LMNB2: variants seen among roughly 807,000 people sequenced by gnomAD.
LMNB2 encodes lamin-B2.
In LMNB2, 17 loss-of-function variants were observed where a neutral mutation model predicts 69.3. That is an observed-to-expected ratio of 0.25 (90% CI 0.17 to 0.37). The LOEUF (loss-of-function observed/expected upper bound fraction) is 0.37. Among genes scored for constraint, LMNB2 ranks in the 10% least tolerant of loss-of-function variants. The pLI is 1.00. For missense variants in LMNB2, 789 were observed against 883.6 expected (o/e 0.89, Z 1.36); for synonymous variants, 397 against 389.3 (o/e 1.02, Z -0.23).
At chr19:2,444,106 C>T (rs1456152182) in intron 2 of LMNB2, among the ~76,000 whole-genome samples, 3 of 152,214 alleles carry the variant, frequency 2.0e-5, no homozygotes, top group Non-Finnish European at 4.4e-5. Flanking sequence ...CGCGTGTGCA[C>T]ACTAAGGAGA....
rs1467107025 is a variant in LMNB2 at position 2,435,139 on chromosome 19, C to T, written c.717G>A (p.Arg239=). ...EVRETRRRHE[R]RLVEVDSSRQ... is the part of the protein sequence containing the mutation. ...GGCTGCTGTCCACCTCCACCAGGCG[C>T]CGCTCGTGCCGCCGCCGCGTCTCCC... Residue 239 remains arginine (R), a synonymous_variant, in exon 5 of 12, where the codon CGG becomes CGA. Coordinates refer to ENST00000325327, the MANE Select transcript of LMNB2 (RefSeq NM_032737.4). 4 of 1,605,224 alleles carry T rather than the reference C, an allele frequency of 2.5e-6. No individual in the cohort carries two copies. In the Admixed American group the frequency reaches 6.7e-5, roughly 27 times the overall value.
chr19:2,434,230 C>T (rs1027310123), intron 7 of LMNB2, 65 bp downstream of exon 7: 55 of 1,581,164 alleles, frequency 3.5e-5, no homozygotes, highest in East Asian at 2.1e-4. Flanking sequence ...AGCCCCGTCC[C>T]GCCTCTCCTC....
rs12462450 is a variant in LMNB2, at chr19:2,434,247, T to C, written c.1202+48A>G. 500,066 of 1,590,262 alleles carry C rather than the reference T, an allele frequency of 0.31. 81,342 individuals are homozygous for C. Among genetic ancestry groups the C allele is most frequent in the African/African-American group, 0.54 (40,268 of 74,026 alleles). On this transcript the variant is annotated intron_variant, in intron 7 of 11. Coordinates refer to ENST00000325327, the MANE Select transcript of LMNB2 (RefSeq NM_032737.4). ...CCCCGTCCCGCCTCTCCTCCTGCCC[T>C]GCCCCTCCTCCTCACTCTGTGCTCC...
At chr19:2,446,723 G>C (rs1225970409) in intron 1 of LMNB2, among the ~76,000 whole-genome samples, 1 of 152,346 alleles carries the variant, frequency 6.6e-6, no homozygotes, top group South Asian at 2.1e-4. Context: ...CCTGAGCTGA[G>C]ACAGCTCTAC....
At position 2,456,844 on chromosome 19, in the gene LMNB2, G is replaced by T. The variant is rs772621239; in HGVS notation, c.90C>A (p.Gly30=). ...TMATPLPGRA[G]GPATPLSPTR... is the part of the protein sequence containing the mutation. ...TGGGCGACAGCGGCGTGGCGGGCCC[G>T]CCCGCGCGGCCGGGCAGCGGCGTGG... The change falls in exon 1 of 12, where the codon GGC becomes GGA. Residue 30 remains glycine (G), a synonymous_variant. Coordinates refer to ENST00000325327, the MANE Select transcript of LMNB2 (RefSeq NM_032737.4). 2 of 1,308,370 alleles carry T rather than the reference G, an allele frequency of 1.5e-6. No homozygotes were observed. Among genetic ancestry groups the T allele is most frequent in the Non-Finnish European group, 9.8e-7 (1 of 1,020,676 alleles). 81.0% of individuals were successfully genotyped at this position (1,308,370 alleles called of 1,614,324 possible).
Position 2,456,648 on chromosome 19 carries a change from G to A in LMNB2, c.264+22C>T, listed in dbSNP as rs746967674. On this transcript the variant is annotated intron_variant, in intron 1 of 11. Transcript: ENST00000325327. ...GGCCTGCCGGCTGCACCCCCGCCCGGCCCCTAAGCCCCGGCGCCCACCTCG... is the reference window on the plus strand; with the variant it reads ...GGCCTGCCGGCTGCACCCCCGCCCGACCCCTAAGCCCCGGCGCCCACCTCG... 1.3e-5 allele frequency: 19 copies of A among 1,478,560 alleles called. No homozygotes were observed. The East Asian group carries it at 5.7e-4, about 44-fold the overall frequency. 91.6% of individuals were successfully genotyped at this position (1,478,560 alleles called of 1,614,324 possible). A position where few individuals can be genotyped will look rare whatever the true frequency, so the allele number is the denominator to read the frequency against.
rs933753487 is a variant in LMNB2, at chr19:2,456,920, C to T, written c.14G>A (p.Ser5Asn). ...GCGCTGCTCCCGACGGCGGCCCGGG[C>T]TCGGCGGGCTCATTCAATCCGCGCC... MSPP[S>N]PGRRREQRRP... Residue 5 changes from serine (S) to asparagine (N), a missense_variant, in exon 1 of 12, where the codon AGC becomes AAC. Around this residue, in one of 3 missense-constraint regions of LMNB2, gnomAD observed 35 missense variants for 23.9 expected, o/e 1.47. Transcript: ENST00000325327. The T allele has an allele frequency of 8.0e-6, 8 of 994,628 alleles. No homozygotes were observed. Among genetic ancestry groups the T allele is most frequent in the Non-Finnish European group, 9.5e-6 (8 of 837,896 alleles). 61.6% of individuals were successfully genotyped at this position (994,628 alleles called of 1,614,324 possible). A position where few individuals can be genotyped will look rare whatever the true frequency, so the allele number is the denominator to read the frequency against.
At chr19:2,438,652 T>G (rs1971857511) in intron 2 of LMNB2, 121 bp from the exon 3 acceptor site, 4 of 1,243,306 alleles carry the variant, frequency 3.2e-6, no homozygotes, top group Non-Finnish European at 4.5e-6. Context: ...GCCCCAGACC[T>G]TCCCGTCCTG....
intron 6 of LMNB2, 52 bp from the exon 7 acceptor site, chr19:2,434,567 C>T: frequency 6.3e-7 from 1 of 1,583,226 alleles, no homozygotes; most frequent in Non-Finnish European, 8.6e-7. Context: ...GTCACAAGGC[C>T]CAGGTGATCC....
rs1971828416 is a variant in LMNB2 at position 2,436,679 on chromosome 19, A to ACCCACCTCCACGGCCG, written c.684+1483_684+1484insCGGCCGTGGAGGTGGG. ...CGGCCGCCCTCTCGCCTCCACGGCCACCCTCCCGCCACCACGGCCGCGCAC... is the reference window on the plus strand; with the variant it reads ...CGGCCGCCCTCTCGCCTCCACGGCCACCCACCTCCACGGCCGCCCTCCCGCCACCACGGCCGCGCAC... On this transcript the variant is annotated intron_variant, in intron 4 of 11. Transcript: ENST00000325327. 7 of 86,804 alleles carry ACCCACCTCCACGGCCG rather than the reference A, an allele frequency of 8.1e-5. No individual in the cohort carries two copies. The East Asian group carries it at 2.5e-3, about 30-fold the overall frequency. 5.4% of individuals were successfully genotyped at this position (86,804 alleles called of 1,614,324 possible). A position where few individuals can be genotyped will look rare whatever the true frequency, so the allele number is the denominator to read the frequency against.
rs1428343609 is a variant in LMNB2, at chr19:2,447,941, A to G, written c.265-3401T>C. On this transcript the variant is annotated intron_variant, in intron 1 of 11. Coordinates refer to ENST00000325327, the MANE Select transcript of LMNB2 (RefSeq NM_032737.4). The surrounding 1 kb of genome is among the most constrained non-coding windows in gnomAD (Gnocchi z 4.4). The stretch of plus-strand genomic sequence containing the variant: ...CAGTGGGGCGGGATAAGGGTTCCCA[A>G]CCTGATTTTATGTATGGGAAAACTG... Among the ~76,000 whole-genome samples the G allele has an allele frequency of 6.6e-6, 1 of 152,198 alleles. No homozygotes were observed. The highest frequency in any genetic ancestry group is 1.9e-4 in the East Asian group (1 of 5,196).
Position 2,456,726 on chromosome 19 carries a change from C to A in LMNB2, c.208G>T (p.Glu70Ter). 6.4e-7 allele frequency: 1 copy of A among 1,565,786 alleles called. No homozygotes were observed. The change falls in exon 1 of 12, where the codon GAG becomes TAG. Residue 70 changes from glutamate to a stop codon, truncating the protein, a stop_gained. Transcript: ENST00000325327. LOFTEE classifies it high-confidence loss of function. Reference sequence around the variant, plus strand: ...ATCTTGAGCAGGAGCCGGTCGTTCTCCAGCTCCAGCGCGCGGACGCGGTCG... The same window carrying A: ...ATCTTGAGCAGGAGCCGGTCGTTCTACAGCTCCAGCGCGCGGACGCGGTCG... ...YIDRVRALEL[E>*]NDRLLLKISE...
intron 2 of LMNB2, 47 bp downstream of exon 2, chr19:2,444,357 G>A (rs146226157): frequency 3.3e-5 from 53 of 1,611,570 alleles, no homozygotes; most frequent in Non-Finnish European, 4.1e-5. Context: ...CGTCCACCCC[G>A]TGGTGCCAGG....
chr19:2,439,828 G>A (rs1451140130), intron 2 of LMNB2, among the ~76,000 whole-genome samples: 2 of 151,858 alleles, frequency 1.3e-5, no homozygotes. Context: ...CCGCCTCCCG[G>A]GTTCAAACAA....
Position 2,432,409 on chromosome 19 carries a change from C to A in LMNB2, c.1590+7G>T. The A allele has an allele frequency of 6.2e-7, 1 of 1,610,956 alleles. No individual in the cohort carries two copies. The highest frequency in any genetic ancestry group is 1.1e-5 in the South Asian group (1 of 91,056). ...GGCCACCCTCGCCCTCCTGCCCCAC[C>A]ACCTACCGTGACCATCTGGCCGGCG... On this transcript the variant is annotated splice_region_variant and intron_variant, in intron 9 of 11. Coordinates refer to ENST00000325327, the MANE Select transcript of LMNB2 (RefSeq NM_032737.4).
At chr19:2,455,464 G>T (rs1295982282) in intron 1 of LMNB2, among the ~76,000 whole-genome samples, 1 of 152,098 alleles carries the variant, frequency 6.6e-6, no homozygotes. Context: ...GGCATATGGG[G>T]GGCTGCAGCC....
chr19:2,456,503 C>A (rs1599344762), intron 1 of LMNB2, among the ~76,000 whole-genome samples, 167 bp downstream of exon 1: 1 of 150,312 alleles, frequency 6.7e-6, no homozygotes, highest in East Asian at 2.0e-4. Flanking sequence ...GGGACCTGGC[C>A]GAGCTGCACC....
In LMNB2 at chr19:2,430,431, C is replaced by T. The variant is rs1419149274; in HGVS notation, c.*480G>A. On this transcript the variant is annotated 3_prime_UTR_variant, in exon 12 of 12. Coordinates refer to ENST00000325327, the MANE Select transcript of LMNB2 (RefSeq NM_032737.4). ...CCTGAGGAGTTCCCGCTGTCCGAAG[C>T]TGGGCAGCCAGAATGCAGGCTTGGC... The T allele has an allele frequency of 4.1e-6, 1 of 246,696 alleles. No individual in the cohort carries two copies. The highest frequency in any genetic ancestry group is 5.1e-5 in the Admixed American group (1 of 19,634). The allele number at this position is 246,696 out of a possible 1,614,324, so 15.3% of individuals were successfully genotyped here.
At position 2,434,376 on chromosome 19, in the gene LMNB2, T is replaced by C. The variant is rs934600870; in HGVS notation, c.1121A>G (p.Tyr374Cys). ...CAGCTTCACGTCCAGCAGCTCCTGGTACTCGGCCAGCTGCTGCTGCATCAC... is the reference window on the plus strand; with the variant it reads ...CAGCTTCACGTCCAGCAGCTCCTGGCACTCGGCCAGCTGCTGCTGCATCAC... ...RDVMQQQLAE[Y>C]QELLDVKLAL... Residue 374 changes from tyrosine to cysteine, a missense_variant, in exon 7 of 12, where the codon TAC becomes TGC. Physicochemically the swap from Tyr to Cys is radical, Grantham distance 194. This residue lies in a region of LMNB2 where 609 missense variants were observed against 630.9 expected (regional missense o/e 0.97). Coordinates refer to ENST00000325327, the MANE Select transcript of LMNB2 (RefSeq NM_032737.4). 7.4e-6 allele frequency: 12 copies of C among 1,613,290 alleles called. No individual in the cohort carries two copies. The highest frequency in any genetic ancestry group is 1.0e-5 in the Non-Finnish European group (12 of 1,179,994).
Sources: gnomAD v4.1 joint callset for allele counts (sites outside exome capture counted in the v4.1 genomes callset) on GRCh38, gnomAD v4.1.1 for gene constraint, gnomAD v4.1.1 regional missense constraint, Gnocchi (gnomAD v3.1) non-coding constraint, MANE v1.5 for transcripts, NCBI Gene and HGNC (gene_info 2026-07-23, HGNC 2026-07-21) for gene names.